PLEKHA6: variants seen among roughly 807,000 people sequenced by gnomAD.
PLEKHA6 encodes the protein pleckstrin homology domain-containing family A member 6.
In PLEKHA6, 60 loss-of-function variants were observed where a neutral mutation model predicts 116.7. The ratio of observed to expected loss-of-function variants is 0.51; its 90% CI spans 0.42 to 0.64. PLEKHA6 has a LOEUF of 0.64. Among genes scored for constraint, PLEKHA6 ranks in the 30% least tolerant of loss-of-function variants. The pLI is 0.00. For synonymous variants in PLEKHA6, 489 were observed against 556.1 expected, an observed-to-expected ratio of 0.88 and a Z score of 1.70; for missense variants, 1,338 against 1,422.7, an observed-to-expected ratio of 0.94 and a Z score of 0.96.
intron 14 of PLEKHA6, 44 bp downstream of exon 14, chr1:204,245,571 T>G: frequency 2.5e-6 from 3 of 1,179,886 alleles, no homozygotes; most frequent in Non-Finnish European, 3.8e-6. Context: ...GGAGCACTCC[T>G]GGTGAGGCAG....
chr1:204,313,470 C>T, intron 1 of PLEKHA6: 2 of 655,104 alleles, frequency 3.1e-6, no homozygotes, highest in Non-Finnish European at 3.8e-6. Context: ...TAGGGATGAC[C>T]TCCCCATTTC....
intron 1 of PLEKHA6, among the ~76,000 whole-genome samples, chr1:204,308,687 C>CTTTTTCTT (rs1553275657): frequency 7.4e-5 from 6 of 81,404 alleles, no homozygotes; most frequent in African/African-American, 1.6e-4. Flanking sequence ...TTTTCTTTTT[C>CTTTTTCTT]TTTTTTTTTT....
Position 204,264,960 on chromosome 1 carries a change from G to A in PLEKHA6, c.363C>T (p.Ser121=). The A allele has an allele frequency of 1.2e-6, 2 of 1,613,628 alleles. No homozygotes were observed. The highest frequency in any genetic ancestry group is 1.7e-6 in the Non-Finnish European group (2 of 1,179,542). The change falls in exon 6 of 23, where the codon AGC becomes AGT. Residue 121 remains serine, a synonymous_variant. Coordinates refer to ENST00000272203, the MANE Select transcript of PLEKHA6 (RefSeq NM_014935.5). ...AACTGACCTTAAACGTGTGTTTCCG[G>A]CTGATGTTGTCTGAGGGCTGCACTG... ...VAAVQPSDNI[S]RKHTFKAEHA...
intron 21 of PLEKHA6, among the ~76,000 whole-genome samples, chr1:204,227,552 C>G (rs1378235754): frequency 6.6e-6 from 1 of 152,174 alleles, no homozygotes; most frequent in Non-Finnish European, 1.5e-5. Context: ...TCATAGTTAT[C>G]TTTTCTTAGC....
intron 1 of PLEKHA6, among the ~76,000 whole-genome samples, chr1:204,334,074 A>G (rs1353896416): frequency 6.6e-6 from 1 of 152,170 alleles, no homozygotes; most frequent in Non-Finnish European, 1.5e-5. Context: ...AGAGAATCCC[A>G]TTTCTAGAAC....
chr1:204,339,778 T>A (rs1432306231), intron 1 of PLEKHA6, among the ~76,000 whole-genome samples: 1 of 152,218 alleles, frequency 6.6e-6, no homozygotes, highest in Non-Finnish European at 1.5e-5. Context: ...TATAGCTATT[T>A]AAAATGACAA....
chr1:204,346,680 C>G (rs2103340952), intron 1 of PLEKHA6: 1 of 699,446 alleles, frequency 1.4e-6, no homozygotes, highest in Admixed American at 2.1e-5. Context: ...ACCTCAGAAA[C>G]AGACTCTTTG....
intron 9 of PLEKHA6, among the ~76,000 whole-genome samples, chr1:204,252,657 T>A (rs1198398794): frequency 3.9e-5 from 6 of 152,166 alleles, no homozygotes; most frequent in African/African-American, 1.4e-4. Flanking sequence ...ATCTCTCCAA[T>A]CTCAGTTGCA....
At chr1:204,319,814 C>T (rs1239485630) in intron 1 of PLEKHA6, among the ~76,000 whole-genome samples, 2 of 151,464 alleles carry the variant, frequency 1.3e-5, no homozygotes, top group African/African-American at 2.4e-5. Context: ...AGAAGGGAGA[C>T]ATACAGAGGG....
At chr1:204,362,045 G>A (rs1203621841), upstream of PLEKHA6, among the ~76,000 whole-genome samples, 1 of 152,204 alleles carries the variant, frequency 6.6e-6, no homozygotes, top group Non-Finnish European at 1.5e-5. Context: ...AGCCAGACAT[G>A]TGAATGTTTC....
At chr1:204,332,322 G>A (rs941313814) in intron 1 of PLEKHA6, among the ~76,000 whole-genome samples, 7 of 152,108 alleles carry the variant, frequency 4.6e-5, no homozygotes, top group South Asian at 2.1e-4. Flanking sequence ...AGGGCCTGAG[G>A]TTACCTCTGA....
intron 1 of PLEKHA6, among the ~76,000 whole-genome samples, chr1:204,301,826 G>A (rs1475733969): frequency 6.6e-6 from 1 of 152,154 alleles, no homozygotes. Flanking sequence ...AGTGAAAAAT[G>A]TTGGGCAATT....
chr1:204,278,368 T>C (rs1014229572), intron 1 of PLEKHA6, among the ~76,000 whole-genome samples: 1 of 152,246 alleles, frequency 6.6e-6, no homozygotes, highest in South Asian at 2.1e-4. Context: ...GCTTTCTATA[T>C]TATTCCATTT....
chr1:204,279,111 G>A (rs1208256204), intron 1 of PLEKHA6, among the ~76,000 whole-genome samples: 1 of 152,190 alleles, frequency 6.6e-6, no homozygotes, highest in Admixed American at 6.5e-5. Flanking sequence ...CATCTGCACA[G>A]AAGGAGGAGG....
At chr1:204,227,289 A>G (rs1660496348) in intron 21 of PLEKHA6, among the ~76,000 whole-genome samples, 1 of 151,618 alleles carries the variant, frequency 6.6e-6, no homozygotes, top group African/African-American at 2.4e-5. Flanking sequence ...CTCTCACTCT[A>G]CCTCTCTATC....
At chr1:204,313,717 T>C in intron 1 of PLEKHA6, 1 of 985,150 alleles carries the variant, frequency 1.0e-6, no homozygotes, top group Non-Finnish European at 1.2e-6. Context: ...CTAACCACCT[T>C]TCTATCTGTC....
intron 1 of PLEKHA6, among the ~76,000 whole-genome samples, chr1:204,349,034 C>T (rs1213268009): frequency 1.3e-5 from 2 of 152,210 alleles, no homozygotes; most frequent in African/African-American, 2.4e-5. Context: ...GCTGACTCCC[C>T]TCAGACACGG....
chr1:204,301,393 C>T (rs924259937), intron 1 of PLEKHA6: 1 of 983,666 alleles, frequency 1.0e-6, no homozygotes, highest in Non-Finnish European at 1.2e-6. Flanking sequence ...CATCAGCCTA[C>T]AGCAATCTGC....
intron 6 of PLEKHA6, among the ~76,000 whole-genome samples, chr1:204,262,767 C>T (rs1666290977): frequency 6.6e-6 from 1 of 152,192 alleles, no homozygotes; most frequent in Non-Finnish European, 1.5e-5. Context: ...GGCCTCCTTC[C>T]TCTGGTCCCC....
Sources: allele counts gnomAD v4.1 joint callset (sites outside exome capture counted in the v4.1 genomes callset), GRCh38; gene constraint gnomAD v4.1.1; transcripts MANE v1.5; gene names NCBI Gene and HGNC (gene_info 2026-07-23, HGNC 2026-07-21).